BMP6: variants seen among roughly 807,000 people sequenced by gnomAD.
BMP6 encodes VG-1-R.
In BMP6, 17 loss-of-function variants were observed where a neutral mutation model predicts 54.1. That is an observed-to-expected ratio of 0.31 (90% CI 0.22 to 0.47). The LOEUF is 0.47. Ranked by LOEUF, BMP6 falls within the 20% of genes least tolerant of loss-of-function variation. BMP6 has a pLI of 1.00. For synonymous variants in BMP6, 328 were observed against 291.2 expected (o/e 1.13, Z -1.28); for missense variants, 720 against 690.4 (o/e 1.04, Z -0.48).
At chr6:7,739,510 T>C (rs1261624892) in intron 1 of BMP6, among the ~76,000 whole-genome samples, 1 of 152,166 alleles carries the variant, frequency 6.6e-6, no homozygotes, top group Non-Finnish European at 1.5e-5. Flanking sequence ...ACTTACACTT[T>C]TACAGCTGCA....
chr6:7,739,783 G>A (rs1034099241), intron 1 of BMP6, among the ~76,000 whole-genome samples: 15 of 152,056 alleles, frequency 9.9e-5, no homozygotes, highest in African/African-American at 3.6e-4. Flanking sequence ...AAAGTGTTTC[G>A]TTGAAGGCAG....
In BMP6 at chr6:7,834,750, C is replaced by T. The variant is rs140001495; in HGVS notation, c.665-10390C>T. 3.9e-3 allele frequency among the ~76,000 whole-genome samples: 600 copies of T among 152,290 alleles called. 2 individuals carry two copies. The highest frequency in any genetic ancestry group is 6.6e-3 in the Non-Finnish European group (452 of 68,022). ...GCACATTAAACAGTGAAGGAGAGAA[C>T]TGGTAAATGTGTAAATAGAAGATAT... On this transcript the variant is annotated intron_variant, in intron 1 of 6. Coordinates refer to ENST00000283147, the MANE Select transcript of BMP6 (RefSeq NM_001718.6).
At chr6:7,736,568 A>T (rs1197171944) in intron 1 of BMP6, among the ~76,000 whole-genome samples, 4 of 152,204 alleles carry the variant, frequency 2.6e-5, no homozygotes, top group Admixed American at 6.5e-5. Flanking sequence ...ATCAATTCAG[A>T]GGTCTTTGTA....
At chr6:7,874,132 G>C (rs1759570433) in intron 4 of BMP6, among the ~76,000 whole-genome samples, 1 of 152,158 alleles carries the variant, frequency 6.6e-6, no homozygotes, top group Non-Finnish European at 1.5e-5. Flanking sequence ...TGAGTGGAAG[G>C]CTGATGGGGT....
chr6:7,759,519 C>T (rs1581235366), intron 1 of BMP6, among the ~76,000 whole-genome samples: 1 of 152,076 alleles, frequency 6.6e-6, no homozygotes, highest in Non-Finnish European at 1.5e-5. Flanking sequence ...AGTTTTGCCT[C>T]ATCAGCAAAA....
At chr6:7,751,327 C>T (rs984088799) in intron 1 of BMP6, among the ~76,000 whole-genome samples, 15 of 152,178 alleles carry the variant, frequency 9.9e-5, no homozygotes, top group African/African-American at 3.6e-4. Context: ...GTAGACATGT[C>T]AAACACTTTA....
In BMP6 at chr6:7,861,330, G is replaced by A. The variant is rs190140086; in HGVS notation, c.858-121G>A. ...AGGGCTATGGCAAGTCACTGTGCTT[G>A]TGCCTCACAGGTAGATGTGATCTGA... On this transcript the variant is annotated intron_variant, in intron 2 of 6. Coordinates refer to ENST00000283147, the MANE Select transcript of BMP6 (RefSeq NM_001718.6). 943 of 1,291,254 alleles carry A rather than the reference G, an allele frequency of 7.3e-4. 7 individuals are homozygous for A. The African/African-American group carries it at 0.012, about 17-fold the overall frequency. 80.0% of individuals were successfully genotyped at this position (1,291,254 alleles called of 1,614,324 possible).
At chr6:7,780,690 A>G (rs988633234) in intron 1 of BMP6, among the ~76,000 whole-genome samples, 1 of 145,770 alleles carries the variant, frequency 6.9e-6, no homozygotes, top group South Asian at 2.2e-4. Context: ...GACACAGACA[A>G]TTCTATTTTT....
intron 1 of BMP6, among the ~76,000 whole-genome samples, chr6:7,839,357 A>C (rs987636657): frequency 6.6e-6 from 1 of 152,338 alleles, no homozygotes; most frequent in Non-Finnish European, 1.5e-5. Flanking sequence ...TGTACGGTTC[A>C]GTGGCATTAA....
intron 1 of BMP6, among the ~76,000 whole-genome samples, chr6:7,820,375 G>C (rs1041080605): frequency 1.3e-5 from 2 of 152,142 alleles, no homozygotes; most frequent in African/African-American, 4.8e-5. Flanking sequence ...GGGAAGCTGT[G>C]ACCAAAACTC....
intron 1 of BMP6, among the ~76,000 whole-genome samples, chr6:7,755,842 T>C (rs1405925810): frequency 6.6e-6 from 1 of 152,138 alleles, no homozygotes; most frequent in Non-Finnish European, 1.5e-5. Flanking sequence ...TTTATTTCCC[T>C]TGCAGCACTT....
At chr6:7,856,386 C>A (rs1433115452) in intron 2 of BMP6, among the ~76,000 whole-genome samples, 2 of 151,608 alleles carry the variant, frequency 1.3e-5, no homozygotes, top group Non-Finnish European at 2.9e-5. Flanking sequence ...TACTTTCATT[C>A]TATTTGAAAA....
intron 1 of BMP6, among the ~76,000 whole-genome samples, chr6:7,768,063 T>C (rs1757719314): frequency 6.6e-6 from 1 of 152,150 alleles, no homozygotes; most frequent in Non-Finnish European, 1.5e-5. Flanking sequence ...TTCCTTCTCT[T>C]CCTGGGGAGG....
chr6:7,813,108 A>AAAAAAAT (rs1554122651), intron 1 of BMP6, among the ~76,000 whole-genome samples: 4 of 21,492 alleles, frequency 1.9e-4, no homozygotes, highest in African/African-American at 5.9e-4. Flanking sequence ...AAAAAAAAAA[A>AAAAAAAT]ATATATATAT....
rs56264814 is a variant in BMP6 at position 7,856,120 on chromosome 6, T to TAAAA, written c.858-5310_858-5307dup. ...GAAAATTGAGTAATATCAAAGACTG[T>TAAAA]AAAAAAAAAAAAAAAAAAAAAAAAT... On this transcript the variant is annotated intron_variant, in intron 2 of 6. Coordinates refer to ENST00000283147, the MANE Select transcript of BMP6 (RefSeq NM_001718.6). 3.3e-3 allele frequency among the ~76,000 whole-genome samples: 279 copies of TAAAA among 83,622 alleles called. 12 individuals carry two copies. The highest frequency in any genetic ancestry group is 1.0e-2 in the East Asian group (19 of 1,904). 54.9% of individuals were successfully genotyped at this position (83,622 alleles called of 152,430 possible).
In BMP6 at chr6:7,726,332, G is replaced by A. The variant is rs1488680555; in HGVS notation, c.-624G>A. On this transcript the variant is annotated 5_prime_UTR_variant, in exon 1 of 7. Transcript: ENST00000283147. ...ATTTTGAGTGGGAGCGACGGTGCCC[G>A]AGAGCTCAGGGGCGCGGAGTTCGTG... Among the ~76,000 whole-genome samples the A allele has an allele frequency of 6.6e-6, 1 of 152,204 alleles. No individual in the cohort carries two copies. The highest frequency in any genetic ancestry group is 6.5e-5 in the Admixed American group (1 of 15,288).
Position 7,727,067 on chromosome 6 carries a change from G to C in BMP6, c.112G>C (p.Ala38Pro). 8.2e-7 allele frequency: 1 copy of C among 1,219,872 alleles called. No homozygotes were observed. Among genetic ancestry groups the C allele is most frequent in the Non-Finnish European group, 1.0e-6 (1 of 979,838 alleles). 75.6% of individuals were successfully genotyped at this position (1,219,872 alleles called of 1,614,324 possible). The change falls in exon 1 of 7, where the codon GCC becomes CCC. Residue 38 changes from alanine to proline, a missense_variant. Physicochemically the swap from Ala to Pro is conservative, Grantham distance 27 (BLOSUM62 -1). This residue lies in a region of BMP6 where 650 missense variants were observed against 556.3 expected (regional missense o/e 1.17). Coordinates refer to ENST00000283147, the MANE Select transcript of BMP6 (RefSeq NM_001718.6). ...RPPLPAAAAA[A>P]AGGQLLGDGG... ...GCCCTTGCCCGCTGCCGCGGCCGCC[G>C]CCGCCGGGGGGCAGCTGCTGGGGGA...
At chr6:7,762,616 A>G (rs975563254) in intron 1 of BMP6, among the ~76,000 whole-genome samples, 5 of 152,232 alleles carry the variant, frequency 3.3e-5, no homozygotes, top group African/African-American at 1.2e-4. Context: ...TATAAGCTTC[A>G]TCCCCAGCTT....
intron 1 of BMP6, among the ~76,000 whole-genome samples, chr6:7,777,319 A>G (rs562727212): frequency 1.2e-4 from 18 of 152,374 alleles, no homozygotes; most frequent in East Asian, 9.6e-4. Flanking sequence ...ATTCAGGCAC[A>G]TACTTCAAAC....
Sources: allele counts gnomAD v4.1 joint callset (sites outside exome capture counted in the v4.1 genomes callset), GRCh38; gene constraint gnomAD v4.1.1; regional missense constraint gnomAD v4.1.1; transcripts MANE v1.5; gene names NCBI Gene and HGNC (gene_info 2026-07-23, HGNC 2026-07-21).